ZPBP: variants seen among roughly 807,000 people sequenced by gnomAD.
ZPBP encodes zona pellucida binding protein.
A neutral mutation model predicts 44.8 loss-of-function variants in ZPBP; 26 were observed. The observed-to-expected ratio is 0.58, with a 90% CI of 0.43 to 0.81. The LOEUF (loss-of-function observed/expected upper bound fraction) is 0.81. ZPBP is among the 30% of genes least tolerant of loss of function. The pLI is 0.00. For missense variants in ZPBP, 409 were observed against 434.0 expected, an observed-to-expected ratio of 0.94 and a Z score of 0.51; for synonymous variants, 174 against 153.2, an observed-to-expected ratio of 1.14 and a Z score of -1.00.
At chr7:50,023,245 C>T (rs141770626) in intron 5 of ZPBP, among the ~76,000 whole-genome samples, 121 of 152,102 alleles carry the variant, frequency 8.0e-4, no homozygotes, top group East Asian at 2.5e-3. Flanking sequence ...AGGTCTCAGG[C>T]GAAGGACTCA....
intron 3 of ZPBP, among the ~76,000 whole-genome samples, chr7:50,068,421 T>C (rs1435558578): frequency 1.3e-5 from 2 of 151,658 alleles, no homozygotes; most frequent in African/African-American, 2.4e-5. Context: ...GCAGTAGCCC[T>C]TGGCCAGTGT....
At chr7:49,910,532 T>G (rs1170670761) in intron 1 of ZPBP, among the ~76,000 whole-genome samples, 2 of 152,072 alleles carry the variant, frequency 1.3e-5, no homozygotes, top group Admixed American at 1.3e-4. Flanking sequence ...GAGGGAGGTA[T>G]AGAGGTAGAG....
chr7:49,986,142 G>T (rs1232980221), intron 6 of ZPBP, among the ~76,000 whole-genome samples: 1 of 152,182 alleles, frequency 6.6e-6, no homozygotes, highest in Non-Finnish European at 1.5e-5. Context: ...ATGAAGAAAG[G>T]TGAGTAAAAT....
rs1338544405 is a variant in ZPBP, at chr7:50,081,776, G to A, written c.332C>T (p.Ser111Leu). ...CAATAATTGAAACAAAATCCTACCTGAAACAACTTTTCCTTTAGGCCCATA... is the reference window on the plus strand; with the variant it reads ...CAATAATTGAAACAAAATCCTACCTAAAACAACTTTTCCTTTAGGCCCATA... ...QWYGPKGKVV[S>L]VENRTAQITS... The change falls in exon 3 of 8, where the codon TCA (serine) becomes TTA (leucine). Residue 111 changes from serine (S) to leucine (L), a missense_variant and splice_region_variant. Coordinates refer to ENST00000046087, the MANE Select transcript of ZPBP (RefSeq NM_007009.3). 6.2e-7 allele frequency: 1 copy of A among 1,610,850 alleles called. No individual in the cohort carries two copies. The highest frequency in any genetic ancestry group is 1.7e-5 in the Admixed American group (1 of 59,760).
chr7:49,959,306 A>T (rs1243423098), intron 7 of ZPBP, among the ~76,000 whole-genome samples: 1 of 151,546 alleles, frequency 6.6e-6, no homozygotes, highest in Non-Finnish European at 1.5e-5. Context: ...AAAGAATTAA[A>T]TCTGTTGCAG....
intron 3 of ZPBP, among the ~76,000 whole-genome samples, chr7:50,064,847 CG>C (rs1801423176): frequency 6.6e-6 from 1 of 152,004 alleles, no homozygotes; most frequent in Non-Finnish European, 1.5e-5. Flanking sequence ...ACATCCTCCT[CG>C]GCTGACAGGA....
chr7:49,899,614 A>G (rs1792598398), intron 2 of ZPBP, among the ~76,000 whole-genome samples: 1 of 152,050 alleles, frequency 6.6e-6, no homozygotes, highest in East Asian at 1.9e-4. Context: ...TCAATTATTC[A>G]AGAAGACACA....
chr7:49,930,744 A>C (rs1794418055), intron 1 of ZPBP, among the ~76,000 whole-genome samples: 1 of 152,238 alleles, frequency 6.6e-6, no homozygotes, highest in African/African-American at 2.4e-5. Flanking sequence ...ATGAAAAAAA[A>C]CTTTAAAATA....
intron 7 of ZPBP, among the ~76,000 whole-genome samples, chr7:49,982,308 AT>A (rs1321123583): frequency 0.017 from 309 of 17,682 alleles, 1 homozygote; most frequent in African/African-American, 0.12. Context: ...ATAATATATA[AT>A]TATATAATAT....
At chr7:50,013,573 A>G (rs982807209) in intron 6 of ZPBP, among the ~76,000 whole-genome samples, 5 of 152,030 alleles carry the variant, frequency 3.3e-5, no homozygotes, top group Admixed American at 1.3e-4. Context: ...TCAAAGACTA[A>G]TTTTTATTAA....
chr7:49,863,588 T>G (rs1400169158), intron 2 of ZPBP, among the ~76,000 whole-genome samples: 2 of 152,076 alleles, frequency 1.3e-5, no homozygotes, highest in African/African-American at 4.8e-5. Flanking sequence ...TGCACCACCA[T>G]GCCCAGATAA....
chr7:49,848,484 G>A (rs1313465071), downstream of ZPBP, among the ~76,000 whole-genome samples: 1 of 152,210 alleles, frequency 6.6e-6, no homozygotes, highest in Non-Finnish European at 1.5e-5. Context: ...GGTCGGCTGT[G>A]GGCCATAGGA....
At chr7:50,069,624 A>G (rs951540312) in intron 3 of ZPBP, among the ~76,000 whole-genome samples, 30 of 152,174 alleles carry the variant, frequency 2.0e-4, no homozygotes, top group African/African-American at 7.2e-4. Context: ...TTGAACATCC[A>G]GTTTTATCCC....
chr7:49,855,905 A>G (rs1443745153), intron 2 of ZPBP, among the ~76,000 whole-genome samples: 1 of 152,210 alleles, frequency 6.6e-6, no homozygotes, highest in East Asian at 1.9e-4. Context: ...GGGGAAGAGA[A>G]GGAAGAAAAC....
At chr7:49,863,868 T>G (rs1790771107) in intron 2 of ZPBP, among the ~76,000 whole-genome samples, 1 of 152,242 alleles carries the variant, frequency 6.6e-6, no homozygotes, top group African/African-American at 2.4e-5. Context: ...GAGATCCTTT[T>G]CTGTTTTATA....
rs1354098883 is a variant in ZPBP at position 49,886,068 on chromosome 7, T to C, written n.509+15050A>G. 3.3e-5 allele frequency among the ~76,000 whole-genome samples: 5 copies of C among 152,122 alleles called. No homozygotes were observed. The East Asian group carries it at 5.8e-4, about 18-fold the overall frequency. On this transcript the variant is annotated intron_variant and non_coding_transcript_variant, in intron 2 of 2. Transcript: ENST00000465922. ...AGCAGTGTGTGCAAGAGCCTGGAGA[T>C]AGGGGAGAGGTCCAGACTGGAGGCG...
intron 2 of ZPBP, among the ~76,000 whole-genome samples, chr7:50,083,740 T>C (rs1009473480): frequency 6.6e-6 from 1 of 151,896 alleles, no homozygotes; most frequent in Non-Finnish European, 1.5e-5. Flanking sequence ...GGAGAAAATA[T>C]AGATTATCAA....
At chr7:49,881,038 C>T (rs1791639905) in intron 2 of ZPBP, among the ~76,000 whole-genome samples, 1 of 152,126 alleles carries the variant, frequency 6.6e-6, no homozygotes, top group South Asian at 2.1e-4. Flanking sequence ...TTTCTTGGGT[C>T]CCTTGGTCCA....
At chr7:50,071,446 T>A (rs1017823175) in intron 3 of ZPBP, among the ~76,000 whole-genome samples, 4 of 152,142 alleles carry the variant, frequency 2.6e-5, no homozygotes, top group Non-Finnish European at 4.4e-5. Flanking sequence ...GCCATAGGGC[T>A]ACAAAACATA....
Sources: allele counts gnomAD v4.1 joint callset (sites outside exome capture counted in the v4.1 genomes callset), GRCh38; gene constraint gnomAD v4.1.1; transcripts MANE v1.5; gene names NCBI Gene and HGNC (gene_info 2026-07-23, HGNC 2026-07-21).